Variants in ADAMTS12 observed in about 807,000 individuals in gnomAD.
ADAMTS12 encodes the protein A disintegrin and metalloproteinase with thrombospondin motifs 12.
In ADAMTS12, 118 loss-of-function variants were observed where a neutral mutation model predicts 167.8. That is an observed-to-expected ratio of 0.70 (90% CI 0.61 to 0.82). The LOEUF (loss-of-function observed/expected upper bound fraction) is 0.82, where lower values mean the gene tolerates loss of function less well. Ranked by LOEUF, ADAMTS12 falls within the 40% of genes least tolerant of loss-of-function variation. The pLI, the probability that ADAMTS12 is intolerant of heterozygous loss-of-function variation, is 0.00. For synonymous variants in ADAMTS12, 704 were observed against 716.9 expected (o/e 0.98, Z 0.29); for missense variants, 1,916 against 1,998.8 (o/e 0.96, Z 0.79).
intron 2 of ADAMTS12, among the ~76,000 whole-genome samples, chr5:33,862,469 T>A (rs775452087): frequency 2.4e-4 from 36 of 152,216 alleles, no homozygotes; most frequent in Non-Finnish European, 3.7e-4. Context: ...CCTGGACACA[T>A]ACACCCTCCC....
intron 3 of ADAMTS12, among the ~76,000 whole-genome samples, chr5:33,687,370 C>T (rs976309405): frequency 6.6e-6 from 1 of 152,096 alleles, no homozygotes; most frequent in African/African-American, 2.4e-5. Context: ...ATGAAGGACC[C>T]GAGGCTCAAA....
At chr5:33,596,284 T>C (rs1737867305) in intron 16 of ADAMTS12, among the ~76,000 whole-genome samples, 1 of 152,096 alleles carries the variant, frequency 6.6e-6, no homozygotes, top group Non-Finnish European at 1.5e-5. Context: ...GGAAAAACTG[T>C]AGATCATAGA....
At chr5:33,885,738 T>C (rs188393427) in intron 1 of ADAMTS12, among the ~76,000 whole-genome samples, 1 of 152,280 alleles carries the variant, frequency 6.6e-6, no homozygotes, top group Non-Finnish European at 1.5e-5. Flanking sequence ...GGAAGAGGCA[T>C]CCCTTGACTG....
rs146097782 is a variant in ADAMTS12, at chr5:33,705,790, C to G, written c.635-21735G>C. On this transcript the variant is annotated intron_variant, in intron 3 of 23. Coordinates refer to ENST00000504830, the MANE Select transcript of ADAMTS12 (RefSeq NM_030955.4). ...CACCATTGTACTCCAGCCTGGGCAA[C>G]AGAGCAAGACTCTGTTTCAAAAAAT... Among the ~76,000 whole-genome samples the G allele has an allele frequency of 5.4e-3, 814 of 152,016 alleles. 4 individuals carry two copies. The highest frequency in any genetic ancestry group is 0.019 in the African/African-American group (780 of 41,430).
At chr5:33,751,572 G>A (rs1350578332) in intron 2 of ADAMTS12, 24 bp from the exon 3 acceptor site, 1 of 1,610,050 alleles carries the variant, frequency 6.2e-7, no homozygotes. Flanking sequence ...CAGTAAGAAA[G>A]TTTATTTTAA....
intron 3 of ADAMTS12, among the ~76,000 whole-genome samples, chr5:33,720,459 T>C (rs1483015257): frequency 1.3e-5 from 2 of 152,124 alleles, no homozygotes; most frequent in Admixed American, 6.5e-5. Flanking sequence ...CCATCAACAA[T>C]AAATGCTAAA....
At chr5:33,546,486 G>A (rs1561116262) in intron 21 of ADAMTS12, among the ~76,000 whole-genome samples, 1 of 152,134 alleles carries the variant, frequency 6.6e-6, no homozygotes, top group African/African-American at 2.4e-5. Context: ...TTTTTATAAT[G>A]ATTTAGATTT....
intron 2 of ADAMTS12, among the ~76,000 whole-genome samples, chr5:33,869,375 G>A (rs956789174): frequency 2.6e-5 from 4 of 152,088 alleles, no homozygotes; most frequent in African/African-American, 9.7e-5. Context: ...GAAAATGCCT[G>A]GATGTCCAAG....
intron 5 of ADAMTS12, among the ~76,000 whole-genome samples, chr5:33,668,295 G>A (rs1331874476): frequency 1.3e-5 from 2 of 151,986 alleles, no homozygotes; most frequent in East Asian, 3.9e-4. Flanking sequence ...TCTACTAAAA[G>A]TGAAAAGATT....
chr5:33,694,395 T>C (rs1742675673), intron 3 of ADAMTS12, among the ~76,000 whole-genome samples: 1 of 152,192 alleles, frequency 6.6e-6, no homozygotes, highest in Admixed American at 6.5e-5. Flanking sequence ...CCTATGCAAT[T>C]TGAGTTTTCA....
intron 2 of ADAMTS12, among the ~76,000 whole-genome samples, chr5:33,876,496 G>A (rs1473008363): frequency 6.6e-6 from 1 of 152,092 alleles, no homozygotes; most frequent in Non-Finnish European, 1.5e-5. Context: ...TTACAAAAGT[G>A]CAAAAGCAAC....
intron 5 of ADAMTS12, among the ~76,000 whole-genome samples, chr5:33,663,748 A>T (rs1741368019): frequency 6.6e-6 from 1 of 152,234 alleles, no homozygotes; most frequent in Non-Finnish European, 1.5e-5. Context: ...TCCTTCAGAC[A>T]GGAAGGCATG....
intron 3 of ADAMTS12, among the ~76,000 whole-genome samples, chr5:33,709,549 T>C (rs1743319934): frequency 6.6e-6 from 1 of 152,184 alleles, no homozygotes; most frequent in Non-Finnish European, 1.5e-5. Context: ...AATAATGTCC[T>C]TTGCAGGGAC....
intron 5 of ADAMTS12, among the ~76,000 whole-genome samples, chr5:33,675,744 T>A (rs1741878314): frequency 6.6e-6 from 1 of 152,198 alleles, no homozygotes; most frequent in Non-Finnish European, 1.5e-5. Flanking sequence ...TTTCAACCTT[T>A]TCAGCTTCTT....
intron 3 of ADAMTS12, among the ~76,000 whole-genome samples, chr5:33,688,816 C>A (rs1742447632): frequency 2.0e-5 from 3 of 152,234 alleles, no homozygotes; most frequent in Admixed American, 2.0e-4. Context: ...CAACCCTTCC[C>A]TCATCTGGAT....
chr5:33,765,403 T>C (rs1296577337), intron 2 of ADAMTS12, among the ~76,000 whole-genome samples: 2 of 152,226 alleles, frequency 1.3e-5, no homozygotes, highest in African/African-American at 4.8e-5. Flanking sequence ...AACATCTTAG[T>C]TTTGCATTGG....
At chr5:33,654,634 C>G (rs1484437580) in intron 7 of ADAMTS12, among the ~76,000 whole-genome samples, 10 of 152,172 alleles carry the variant, frequency 6.6e-5, no homozygotes, top group African/African-American at 2.4e-4. Flanking sequence ...GTCTTAGTCC[C>G]TAACTGGTCT....
intron 2 of ADAMTS12, among the ~76,000 whole-genome samples, chr5:33,825,132 C>A (rs577755410): frequency 6.6e-6 from 1 of 152,172 alleles, no homozygotes; most frequent in Non-Finnish European, 1.5e-5. Context: ...AAAACTACAG[C>A]GGTTTCACCC....
At chr5:33,594,835 C>T (rs1747834403) in intron 17 of ADAMTS12, among the ~76,000 whole-genome samples, 1 of 152,168 alleles carries the variant, frequency 6.6e-6, no homozygotes, top group African/African-American at 2.4e-5. Context: ...AGACTGACAT[C>T]ATTTTTTTCA....
Sources: gnomAD v4.1 joint callset for allele counts (sites outside exome capture counted in the v4.1 genomes callset) on GRCh38, gnomAD v4.1.1 for gene constraint, MANE v1.5 for transcripts, NCBI Gene and HGNC (gene_info 2026-07-23, HGNC 2026-07-21) for gene names.